GYPB: variants seen among roughly 807,000 people sequenced by gnomAD.
GYPB encodes glycophorin B (MNS blood group).
A neutral mutation model predicts 15.3 loss-of-function variants in GYPB; 13 were observed. The ratio of observed to expected loss-of-function variants is 0.85; its 90% confidence interval spans 0.55 to 1.35. The LOEUF is 1.35. Ranked by LOEUF, GYPB falls within the 40% of genes most tolerant of loss-of-function variation. GYPB has a pLI of 0.00. For missense variants in GYPB, 131 were observed against 108.3 expected (o/e 1.21, Z -0.93); for synonymous variants, 38 against 36.9 (o/e 1.03, Z -0.11).
In GYPB at chr4:144,009,839, T is replaced by C. The variant is rs542483032; in HGVS notation, c.38-8556A>G. ...TGTGTTAGCCAGGACGATCTCGATC[T>C]CCTGACCTCGTGATCCGCCCACCTC... On this transcript the variant is annotated intron_variant, in intron 1 of 4. Transcript: ENST00000502664. 8.2e-4 allele frequency among the ~76,000 whole-genome samples: 123 copies of C among 150,842 alleles called. 7 individuals carry two copies. The highest frequency in any genetic ancestry group is 2.9e-3 in the African/African-American group (115 of 40,316).
In GYPB at chr4:143,996,285, T is replaced by A; in HGVS notation, c.*14A>T. On this transcript the variant is annotated 3_prime_UTR_variant, in exon 5 of 5. Transcript: ENST00000502664. ...CGGTTCTAGGCAAGATCAGGCAGCA[T>A]GCAGGCCACATCCTCATGCCTGTGA... 6.4e-7 allele frequency: 1 copy of A among 1,550,824 alleles called. No individual in the cohort carries two copies. The highest frequency in any genetic ancestry group is 1.2e-5 in the South Asian group (1 of 84,006).
intron 1 of GYPB, among the ~76,000 whole-genome samples, chr4:144,016,206 C>T (rs759359685): frequency 3.8e-4 from 56 of 145,528 alleles, no homozygotes; most frequent in Non-Finnish European, 7.3e-4. Flanking sequence ...ATGTGCTTCT[C>T]AGACTGATGT....
In GYPB at chr4:144,016,248, T is replaced by C. The variant is rs1185012978; in HGVS notation, c.37+3003A>G. Among the ~76,000 whole-genome samples the C allele has an allele frequency of 4.4e-4, 65 of 146,136 alleles. 4 individuals carry two copies. The highest frequency in any genetic ancestry group is 1.4e-3 in the African/African-American group (53 of 38,302). The stretch of plus-strand genomic sequence containing the variant: ...AGGGGTATGAGTCAGATGCACAGGG[T>C]AATAATGATCTGTCTATGCGGAGCA... On this transcript the variant is annotated intron_variant, in intron 1 of 4. Transcript: ENST00000502664.
Position 143,996,141 on chromosome 4 carries a change from G to C in GYPB, c.*158C>G, listed in dbSNP as rs1442250627. Reference sequence around the variant, plus strand: ...TTTGTTTTATTTTTATTTAGAAGTAGAGAATACAGTAATAGTGAGGCAGGA... The same window carrying C: ...TTTGTTTTATTTTTATTTAGAAGTACAGAATACAGTAATAGTGAGGCAGGA... On this transcript the variant is annotated 3_prime_UTR_variant, in exon 5 of 5. Transcript: ENST00000502664. The C allele has an allele frequency of 6.1e-6, 9 of 1,464,952 alleles. No homozygotes were observed. Among genetic ancestry groups the C allele is most frequent in the East Asian group, 5.0e-5 (2 of 39,998 alleles). 90.7% of individuals were successfully genotyped at this position (1,464,952 alleles called of 1,614,324 possible). A position where few individuals can be genotyped will look rare whatever the true frequency, so the allele number is the denominator to read the frequency against.
intron 1 of GYPB, among the ~76,000 whole-genome samples, chr4:144,005,096 T>G (rs1345861966): frequency 6.6e-6 from 1 of 151,960 alleles, no homozygotes; most frequent in Non-Finnish European, 1.5e-5. Flanking sequence ...ATTCCTAGAT[T>G]AAAGGTCAGT....
chr4:143,999,062 C>G (rs1382263943), intron 3 of GYPB, among the ~76,000 whole-genome samples: 1 of 150,958 alleles, frequency 6.6e-6, no homozygotes, highest in Non-Finnish European at 1.5e-5. Context: ...AGGTGCATGC[C>G]CCATCCCAGC....
intron 1 of GYPB, among the ~76,000 whole-genome samples, chr4:144,018,479 C>T (rs141020425): frequency 6.6e-6 from 1 of 151,206 alleles, no homozygotes; most frequent in Non-Finnish European, 1.5e-5. Flanking sequence ...CAACTGCCTG[C>T]CCCCTGTGTG....
intron 1 of GYPB, among the ~76,000 whole-genome samples, chr4:144,005,551 C>A (rs1418876513): frequency 1.3e-5 from 2 of 151,648 alleles, no homozygotes; most frequent in East Asian, 3.8e-4. Context: ...TATACCATAG[C>A]CGCTATGAGA....
intron 1 of GYPB, among the ~76,000 whole-genome samples, chr4:144,006,137 G>T (rs1212910622): frequency 6.6e-6 from 1 of 151,842 alleles, no homozygotes; most frequent in East Asian, 1.9e-4. Context: ...CATTTGCTAT[G>T]GTACTTAGTA....
In GYPB at chr4:143,997,256, C is replaced by T. The variant is rs1379319129; in HGVS notation, c.270+284G>A. On this transcript the variant is annotated intron_variant, in intron 4 of 4. Transcript: ENST00000502664. Reference sequence around the variant, plus strand: ...TATAAGAAGAATCTTAATATTTCCTCAATATCCATCAAAATATGTGAAAGC... The same window carrying T: ...TATAAGAAGAATCTTAATATTTCCTTAATATCCATCAAAATATGTGAAAGC... The T allele has an allele frequency of 6.1e-5, 17 of 279,810 alleles. No individual in the cohort carries two copies. In the South Asian group the frequency reaches 7.8e-4, roughly 13 times the overall value. The allele number at this position is 279,810 out of a possible 1,614,324, so 17.3% of individuals were successfully genotyped here.
chr4:144,004,335 A>G (rs1420714905), intron 1 of GYPB, among the ~76,000 whole-genome samples: 2 of 151,972 alleles, frequency 1.3e-5, no homozygotes, highest in Admixed American at 1.3e-4. Flanking sequence ...ATTTCTGGAA[A>G]AAAGATAGCA....
At chr4:144,014,230 G>A (rs1376906773) in intron 1 of GYPB, among the ~76,000 whole-genome samples, 1 of 151,818 alleles carries the variant, frequency 6.6e-6, no homozygotes, top group Non-Finnish European at 1.5e-5. Context: ...CTATGACCCA[G>A]CAATTCTACC....
intron 1 of GYPB, among the ~76,000 whole-genome samples, chr4:144,016,165 AAAAAAG>A (rs1728488299): frequency 1.3e-5 from 2 of 149,622 alleles, no homozygotes; most frequent in African/African-American, 5.0e-5. Flanking sequence ...AAAAAAAAAA[AAAAAAG>A]AGATGCCTTG....
At chr4:144,013,883 A>G (rs1728353463) in intron 1 of GYPB, among the ~76,000 whole-genome samples, 1 of 150,846 alleles carries the variant, frequency 6.6e-6, no homozygotes, top group Non-Finnish European at 1.5e-5. Flanking sequence ...TAACCTGCAC[A>G]TTGTGCACAT....
At chr4:144,000,843 T>C (rs1004981045) in intron 2 of GYPB, among the ~76,000 whole-genome samples, 1 of 151,270 alleles carries the variant, frequency 6.6e-6, no homozygotes, top group Non-Finnish European at 1.5e-5. Context: ...GGGATAGAGC[T>C]GAGCCCAGGT....
chr4:144,009,869 TC>T (rs1220362695), intron 1 of GYPB, among the ~76,000 whole-genome samples: 1 of 150,902 alleles, frequency 6.6e-6, no homozygotes, highest in African/African-American at 2.5e-5. Context: ...CACCTCAGCC[TC>T]CCAAAGTGAT....
intron 1 of GYPB, among the ~76,000 whole-genome samples, chr4:144,018,584 GAC>G (rs1728624649): frequency 6.6e-6 from 1 of 150,908 alleles, no homozygotes; most frequent in Admixed American, 6.6e-5. Context: ...GTTAATTTAA[GAC>G]ACTAAATTAA....
At chr4:143,995,429 C>T (rs1268798794), downstream of GYPB, among the ~76,000 whole-genome samples, 1 of 151,216 alleles carries the variant, frequency 6.6e-6, no homozygotes, top group East Asian at 1.9e-4. Context: ...CCTTCTGACT[C>T]CAAGGGTAAG....
chr4:144,001,691 G>A (rs1415284055), intron 1 of GYPB, among the ~76,000 whole-genome samples: 1 of 151,082 alleles, frequency 6.6e-6, no homozygotes, highest in East Asian at 1.9e-4. Context: ...TATATGTTGG[G>A]TATTATTGTT....
Sources: allele counts gnomAD v4.1 joint callset (sites outside exome capture counted in the v4.1 genomes callset), GRCh38; gene constraint gnomAD v4.1.1; transcripts MANE v1.5; gene names NCBI Gene and HGNC (gene_info 2026-07-23, HGNC 2026-07-21).